The following GPC5 variants were observed in gnomAD, a reference collection of about 807,000 sequenced individuals.
The protein encoded by GPC5 is glypican-5.
A neutral mutation model predicts 53.9 loss-of-function variants in GPC5; 47 were observed. That is an observed-to-expected ratio of 0.87 (90% confidence interval 0.69 to 1.11). The LOEUF is 1.11. Ranked by LOEUF, GPC5 falls within the 50% of genes most tolerant of loss-of-function variation. The probability of loss-of-function intolerance (pLI) is 0.00; values close to 1 mark genes in which losing one functional copy is unlikely to be tolerated. For synonymous variants in GPC5, 286 were observed against 263.3 expected, an observed-to-expected ratio of 1.09 and a Z score of -0.84; for missense variants, 748 against 713.1, an observed-to-expected ratio of 1.05 and a Z score of -0.56.
chr13:92,312,352 A>G (rs1266758156), intron 7 of GPC5, among the ~76,000 whole-genome samples: 2 of 152,148 alleles, frequency 1.3e-5, no homozygotes, highest in African/African-American at 4.8e-5. Context: ...AACAAGTTAT[A>G]AGAGAGTGTA....
At chr13:91,447,109 T>C (rs138225581) in intron 1 of GPC5, among the ~76,000 whole-genome samples, 1 of 152,332 alleles carries the variant, frequency 6.6e-6, no homozygotes, top group African/African-American at 2.4e-5. Flanking sequence ...TGTTTAGGAA[T>C]TGGTCTAACA....
intron 6 of GPC5, among the ~76,000 whole-genome samples, chr13:92,037,018 A>T (rs1277863788): frequency 6.6e-6 from 1 of 152,170 alleles, no homozygotes; most frequent in African/African-American, 2.4e-5. Context: ...GGTATTTTTT[A>T]AAAATGTAAT....
intron 7 of GPC5, among the ~76,000 whole-genome samples, chr13:92,367,115 G>A (rs2043613053): frequency 1.3e-5 from 2 of 151,924 alleles, no homozygotes; most frequent in African/African-American, 4.8e-5. Context: ...GGCACACCAA[G>A]AAACAACTAA....
chr13:92,113,270 G>A (rs1223701254), intron 6 of GPC5, among the ~76,000 whole-genome samples: 1 of 152,076 alleles, frequency 6.6e-6, no homozygotes, highest in Admixed American at 6.6e-5. Context: ...ACAAAGTCTT[G>A]TGTGTTATCT....
At chr13:91,630,915 C>T (rs1387971016) in intron 2 of GPC5, among the ~76,000 whole-genome samples, 1 of 152,080 alleles carries the variant, frequency 6.6e-6, no homozygotes, top group Admixed American at 6.6e-5. Context: ...TGACATTTTA[C>T]AGCTTTATTC....
Position 91,669,632 on chromosome 13 carries a change from G to A in GPC5, c.326-23555G>A, listed in dbSNP as rs866386901. ...TGGCAGGGTAGAACTTAGGAAAGAG[G>A]TATATCAAAACTGAAAGAAAGGTGA... On this transcript the variant is annotated intron_variant, in intron 2 of 7. Transcript: ENST00000377067. Among the ~76,000 whole-genome samples the A allele has an allele frequency of 2.6e-5, 4 of 152,150 alleles. No homozygotes were observed. In the South Asian group the frequency reaches 6.2e-4, roughly 24 times the overall value.
chr13:92,058,653 C>T (rs1409668174), intron 6 of GPC5, among the ~76,000 whole-genome samples: 1 of 152,042 alleles, frequency 6.6e-6, no homozygotes, highest in East Asian at 1.9e-4. Flanking sequence ...AGCAATTCTC[C>T]CTGCCTCAGC....
intron 5 of GPC5, among the ~76,000 whole-genome samples, chr13:91,830,089 T>G (rs1854987): frequency 1.3e-5 from 2 of 151,712 alleles, no homozygotes; most frequent in East Asian, 3.9e-4. Flanking sequence ...CTATGGGAGA[T>G]GGGGGTCTAT....
At chr13:92,111,838 C>G (rs1246713279) in intron 6 of GPC5, among the ~76,000 whole-genome samples, 1 of 152,028 alleles carries the variant, frequency 6.6e-6, no homozygotes, top group Non-Finnish European at 1.5e-5. Context: ...CAACAAAATC[C>G]AAGAATACCT....
At chr13:92,685,560 A>ATTTTTTTTTTTTAAT (rs1289415598) in intron 7 of GPC5, among the ~76,000 whole-genome samples, 13 of 120,872 alleles carry the variant, frequency 1.1e-4, no homozygotes, top group Admixed American at 1.7e-4. Flanking sequence ...TTTTTTTTTA[A>ATTTTTTTTTTTTAAT]TTTTTTTTTT....
chr13:92,233,347 C>A (rs913273039), intron 7 of GPC5, among the ~76,000 whole-genome samples: 5 of 152,178 alleles, frequency 3.3e-5, no homozygotes, highest in African/African-American at 9.6e-5. Flanking sequence ...TAAGAGTAAG[C>A]ATTTGAAATA....
At chr13:92,726,393 T>C (rs1888648867) in intron 7 of GPC5, among the ~76,000 whole-genome samples, 1 of 151,570 alleles carries the variant, frequency 6.6e-6, no homozygotes, top group South Asian at 2.1e-4. Context: ...GTTTGTTTAT[T>C]GTTTGTTTGT....
intron 7 of GPC5, among the ~76,000 whole-genome samples, chr13:92,177,631 C>T (rs1480769841): frequency 6.6e-6 from 1 of 152,152 alleles, no homozygotes; most frequent in Non-Finnish European, 1.5e-5. Flanking sequence ...TGATTTCTTG[C>T]ATCCCAGAAG....
chr13:91,888,482 G>A (rs147122761), intron 5 of GPC5, among the ~76,000 whole-genome samples: 1 of 152,152 alleles, frequency 6.6e-6, no homozygotes, highest in South Asian at 2.1e-4. Flanking sequence ...GTGGAGATAA[G>A]GTTGATACGC....
intron 1 of GPC5, among the ~76,000 whole-genome samples, chr13:91,442,291 T>C (rs1386008257): frequency 2.0e-5 from 3 of 152,252 alleles, no homozygotes; most frequent in Admixed American, 1.3e-4. Flanking sequence ...ATTTTTATAA[T>C]GATTTCCTTT....
chr13:92,522,539 G>A (rs536703533), intron 7 of GPC5, among the ~76,000 whole-genome samples: 3 of 152,110 alleles, frequency 2.0e-5, no homozygotes, highest in South Asian at 4.1e-4. Context: ...AACACTGCAG[G>A]TTCTCACTCA....
At chr13:92,562,758 GAACAGT>G (rs1296777180) in intron 7 of GPC5, among the ~76,000 whole-genome samples, 1 of 151,944 alleles carries the variant, frequency 6.6e-6, no homozygotes, top group African/African-American at 2.4e-5. Flanking sequence ...AAGTTATCAA[GAACAGT>G]AACACACCTT....
At chr13:91,969,336 A>G (rs2040218950) in intron 6 of GPC5, among the ~76,000 whole-genome samples, 1 of 152,018 alleles carries the variant, frequency 6.6e-6, no homozygotes, top group African/African-American at 2.4e-5. Flanking sequence ...GATATCTGAC[A>G]TTATCTTTTT....
intron 6 of GPC5, among the ~76,000 whole-genome samples, chr13:92,058,276 C>T (rs1030064688): frequency 6.6e-6 from 1 of 152,176 alleles, no homozygotes; most frequent in Admixed American, 6.5e-5. Context: ...ATCCACTTGC[C>T]TTGGCCTCCC....
Sources: gnomAD v4.1 joint callset for allele counts (sites outside exome capture counted in the v4.1 genomes callset) on GRCh38, gnomAD v4.1.1 for gene constraint, MANE v1.5 for transcripts, NCBI Gene and HGNC (gene_info 2026-07-23, HGNC 2026-07-21) for gene names.